IBTK: variants seen among roughly 807,000 people sequenced by gnomAD.
The protein encoded by IBTK is inhibitor of Bruton tyrosine kinase.
A neutral mutation model predicts 154.9 loss-of-function variants in IBTK; 83 were observed. The ratio of observed to expected loss-of-function variants is 0.54; its 90% CI spans 0.45 to 0.64. The LOEUF (loss-of-function observed/expected upper bound fraction) is 0.64, where lower values mean the gene tolerates loss of function less well. Ranked by LOEUF, IBTK falls within the 30% of genes least tolerant of loss-of-function variation. The probability of loss-of-function intolerance (pLI) is 0.00; values close to 1 mark genes in which losing one functional copy is unlikely to be tolerated. For synonymous variants in IBTK, 515 were observed against 536.1 expected (o/e 0.96, Z 0.54); for missense variants, 1,332 against 1,584.6 (o/e 0.84, Z 2.71).
intron 25 of IBTK, among the ~76,000 whole-genome samples, chr6:82,189,457 G>A (rs749156227): frequency 6.6e-6 from 1 of 152,018 alleles, no homozygotes; most frequent in Non-Finnish European, 1.5e-5. Flanking sequence ...ATGAATATAC[G>A]AGCTCCAAAA....
chr6:82,216,007 G>T, intron 11 of IBTK, 69 bp downstream of exon 11: 1 of 1,153,082 alleles, frequency 8.7e-7, no homozygotes, highest in Non-Finnish European at 1.3e-6. Context: ...TGCACCAGCA[G>T]CTACTGAAAA....
intron 25 of IBTK, among the ~76,000 whole-genome samples, chr6:82,184,376 T>A (rs1768461614): frequency 6.6e-6 from 1 of 152,226 alleles, no homozygotes; most frequent in African/African-American, 2.4e-5. Context: ...TTGTTTTATA[T>A]TGTATGGGTT....
intron 17 of IBTK, among the ~76,000 whole-genome samples, chr6:82,202,916 C>T (rs1216501418): frequency 6.6e-6 from 1 of 151,928 alleles, no homozygotes; most frequent in Non-Finnish European, 1.5e-5. Context: ...ATAGTGCCAC[C>T]CAAAAGCAAA....
chr6:82,184,466 T>A (rs1768467303), intron 25 of IBTK, among the ~76,000 whole-genome samples: 1 of 152,254 alleles, frequency 6.6e-6, no homozygotes, highest in Non-Finnish European at 1.5e-5. Context: ...CCACTGAAGA[T>A]GACTGATGAG....
In IBTK at chr6:82,170,369, A is replaced by G. The variant is rs535210447; in HGVS notation, c.*1056T>C. On this transcript the variant is annotated 3_prime_UTR_variant, in exon 29 of 29. Transcript: ENST00000306270. The stretch of plus-strand genomic sequence containing the variant: ...ACTAAATTATAGCAGTGAATTGCTT[A>G]TGTGTCTCCCAGGCTTACCTTCCAG... 29 of 152,622 alleles carry G rather than the reference A, an allele frequency of 1.9e-4. No individual in the cohort carries two copies. The highest frequency in any genetic ancestry group is 6.7e-4 in the African/African-American group (28 of 41,572). 9.5% of individuals were successfully genotyped at this position (152,622 alleles called of 1,614,324 possible).
Position 82,196,391 on chromosome 6 carries a change from T to C in IBTK, c.3081A>G (p.Thr1027=), listed in dbSNP as rs752696580. The change falls in exon 22 of 29, where the codon ACA becomes ACG. Residue 1027 remains threonine, a synonymous_variant. Transcript: ENST00000306270. ...CTGCATAGCTTCCTTCAGAGTCTGA[T>C]GTCAACAGTTCTGGAAGAGATTCCA... is the stretch of plus-strand genomic sequence containing the variant. The part of the protein sequence containing the change: ...NSVESLPELL[T]SDSEGSYAGV... 1.9e-6 allele frequency: 3 copies of C among 1,612,664 alleles called. No homozygotes were observed. The highest frequency in any genetic ancestry group is 2.5e-6 in the Non-Finnish European group (3 of 1,179,088).
At position 82,171,491 on chromosome 6, in the gene IBTK, A is replaced by G; in HGVS notation, c.3996T>C (p.Phe1332=). The G allele has an allele frequency of 6.2e-7, 1 of 1,613,290 alleles. No homozygotes were observed. Among genetic ancestry groups the G allele is most frequent in the African/African-American group, 1.3e-5 (1 of 74,904 alleles). The change falls in exon 29 of 29, where the codon TTT becomes TTC. Residue 1332 remains phenylalanine (F), a synonymous_variant. Coordinates refer to ENST00000306270, the MANE Select transcript of IBTK (RefSeq NM_015525.4). The part of the protein sequence containing the change: ...FYEAFGNPEE[F]VIVERTPQGP... ...CCTGCGGTGTCCTTTCAACAATGAC[A>G]AACTCTTCAGGGTTGCCAAATGCCT...
rs550631150 is a variant in IBTK at position 82,204,966 on chromosome 6, A to G, written c.2510-8T>C. On this transcript the variant is annotated splice_region_variant and splice_polypyrimidine_tract_variant and intron_variant, in intron 16 of 28. Coordinates refer to ENST00000306270, the MANE Select transcript of IBTK (RefSeq NM_015525.4). ...AATCTACATTTTGAGATTCTAAAAA[A>G]AGAAAGAAAACAAGCATCACTTTTT... The G allele has an allele frequency of 3.9e-6, 6 of 1,555,708 alleles. No individual in the cohort carries two copies. The East Asian group carries it at 6.8e-5, about 18-fold the overall frequency.
intron 25 of IBTK, 74 bp from the exon 26 acceptor site, chr6:82,182,102 A>AAT: frequency 4.2e-6 from 6 of 1,442,368 alleles, no homozygotes; most frequent in Non-Finnish European, 5.6e-6. Flanking sequence ...ATAAGAGAAC[A>AAT]ATAAGAACGT....
intron 26 of IBTK, among the ~76,000 whole-genome samples, chr6:82,174,648 A>C (rs1768044295): frequency 6.6e-6 from 1 of 152,174 alleles, no homozygotes; most frequent in Non-Finnish European, 1.5e-5. Flanking sequence ...TGAAAGCTAA[A>C]ATGTTTAGCC....
At chr6:82,198,073 T>C (rs941239053) in intron 21 of IBTK, among the ~76,000 whole-genome samples, 1 of 152,356 alleles carries the variant, frequency 6.6e-6, no homozygotes, top group African/African-American at 2.4e-5. Context: ...AAATCACTTA[T>C]GTTTTTTGAG....
At chr6:82,197,388 T>TTTTTTTTTTG (rs397774527) in intron 21 of IBTK, among the ~76,000 whole-genome samples, 1 of 151,462 alleles carries the variant, frequency 6.6e-6, no homozygotes, top group African/African-American at 2.4e-5. Flanking sequence ...TTTTTTTTTT[T>TTTTTTTTTTG]GAGACAGAGT....
In IBTK at chr6:82,231,808, T is replaced by C; in HGVS notation, c.453A>G (p.Thr151=). The change falls in exon 4 of 29, where the codon ACA becomes ACG. Residue 151 remains threonine, a synonymous_variant. Transcript: ENST00000306270. ...PTDVYTWGDN[T]NFTLGHGSQN... Reference sequence around the variant, plus strand: ...GGCTTCCATGACCCAGGGTAAAATTTGTATTATCGCCCCAAGTATAAACAT... The same window carrying C: ...GGCTTCCATGACCCAGGGTAAAATTCGTATTATCGCCCCAAGTATAAACAT... 2 of 1,599,596 alleles carry C rather than the reference T, an allele frequency of 1.3e-6. No individual in the cohort carries two copies. The highest frequency in any genetic ancestry group is 1.7e-6 in the Non-Finnish European group (2 of 1,169,056).
intron 25 of IBTK, among the ~76,000 whole-genome samples, chr6:82,182,977 A>AG (rs2127799675): frequency 6.6e-6 from 1 of 152,320 alleles, no homozygotes; most frequent in African/African-American, 2.4e-5. Flanking sequence ...CCTGAGTCAG[A>AG]GGCATTCAGC....
intron 26 of IBTK, among the ~76,000 whole-genome samples, chr6:82,177,222 T>A (rs1440934513): frequency 2.7e-5 from 4 of 149,642 alleles, no homozygotes; most frequent in African/African-American, 9.8e-5. Flanking sequence ...GTTGTTGTTG[T>A]TTTTGGAGAC....
intron 21 of IBTK, among the ~76,000 whole-genome samples, chr6:82,197,206 C>T (rs994372197): frequency 2.0e-5 from 3 of 152,054 alleles, no homozygotes; most frequent in African/African-American, 7.2e-5. Flanking sequence ...TGTTATCTAA[C>T]TTGTAACTAA....
At chr6:82,228,682 C>T (rs1345733847) in intron 4 of IBTK, among the ~76,000 whole-genome samples, 1 of 150,978 alleles carries the variant, frequency 6.6e-6, no homozygotes, top group Admixed American at 6.6e-5. Context: ...AGTGCAGTGG[C>T]GCCATCTCGG....
At chr6:82,189,583 G>A (rs1768687452) in intron 25 of IBTK, among the ~76,000 whole-genome samples, 1 of 152,072 alleles carries the variant, frequency 6.6e-6, no homozygotes. Context: ...ATCAAACACT[G>A]GAGAGAAGGG....
intron 16 of IBTK, among the ~76,000 whole-genome samples, chr6:82,206,984 A>G (rs888945352): frequency 3.1e-4 from 47 of 152,182 alleles, no homozygotes; most frequent in Non-Finnish European, 1.0e-4. Context: ...ATCCTAATTA[A>G]TGGTAAAAAG....
Sources: gnomAD v4.1 joint callset for allele counts (sites outside exome capture counted in the v4.1 genomes callset) on GRCh38, gnomAD v4.1.1 for gene constraint, MANE v1.5 for transcripts, NCBI Gene and HGNC (gene_info 2026-07-23, HGNC 2026-07-21) for gene names.